GADL1: variants seen among roughly 807,000 people sequenced by gnomAD.
The protein encoded by GADL1 is GAD like acidic amino acid decarboxylase 1.
GADL1 carries 71 observed loss-of-function variants against 69.5 expected under a neutral mutation model. The observed-to-expected ratio is 1.02, with a 90% CI of 0.84 to 1.25. GADL1 has a LOEUF of 1.25. Ranked by LOEUF, GADL1 falls within the 50% of genes most tolerant of loss-of-function variation. The pLI, the probability that GADL1 is intolerant of heterozygous loss-of-function variation, is 0.00. For missense variants in GADL1, 737 were observed against 631.8 expected (o/e 1.17, Z -1.79); for synonymous variants, 254 against 214.4 (o/e 1.18, Z -1.62).
At chr3:30,731,464 T>C (rs1345482634) in intron 14 of GADL1, among the ~76,000 whole-genome samples, 1 of 152,222 alleles carries the variant, frequency 6.6e-6, no homozygotes, top group Non-Finnish European at 1.5e-5. Flanking sequence ...TCAAAATGAA[T>C]CTGTCACGTT....
chr3:30,842,822 T>TAAAA (rs558126002), intron 8 of GADL1, among the ~76,000 whole-genome samples: 1,877 of 103,212 alleles, frequency 0.018, 84 homozygotes, highest in African/African-American at 0.062. Context: ...TTGGAATGTT[T>TAAAA]AAAAAAAAAA....
rs770941892 is a variant in GADL1, at chr3:30,726,624, T to G, written c.*1618A>C. On this transcript the variant is annotated 3_prime_UTR_variant, in exon 15 of 15. Coordinates refer to ENST00000282538, the MANE Select transcript of GADL1 (RefSeq NM_207359.3). The stretch of plus-strand genomic sequence containing the variant: ...AATGAAAATAAGCAATAAAAGCAAA[T>G]AGTACTCAAAATTTAAATGACATTG... The G allele has an allele frequency of 1.3e-5, 2 of 151,664 alleles. No individual in the cohort carries two copies. The highest frequency in any genetic ancestry group is 2.9e-5 in the Non-Finnish European group (2 of 67,898). 9.4% of individuals were successfully genotyped at this position (151,664 alleles called of 1,614,324 possible).
chr3:30,759,045 G>A (rs937758289), intron 14 of GADL1, among the ~76,000 whole-genome samples: 1 of 150,738 alleles, frequency 6.6e-6, no homozygotes, highest in Non-Finnish European at 1.5e-5. Flanking sequence ...AGTTAGGTGG[G>A]AGAAGAGTCA....
At chr3:30,751,994 AATAAG>A (rs1053247365) in intron 14 of GADL1, among the ~76,000 whole-genome samples, 3 of 104,514 alleles carry the variant, frequency 2.9e-5, no homozygotes, top group Non-Finnish European at 5.4e-5. Context: ...TGGCTGTCTA[AATAAG>A]ATAGGACGAT....
intron 14 of GADL1, among the ~76,000 whole-genome samples, chr3:30,750,847 T>A (rs1221665528): frequency 6.6e-6 from 1 of 152,186 alleles, no homozygotes; most frequent in African/African-American, 2.4e-5. Context: ...TTTTTTATTT[T>A]CAATGAACAT....
intron 14 of GADL1, among the ~76,000 whole-genome samples, chr3:30,754,137 C>T (rs868581758): frequency 6.6e-6 from 1 of 152,118 alleles, no homozygotes; most frequent in Admixed American, 6.5e-5. Context: ...AAGTAAAAAC[C>T]CTTTTAAGAA....
chr3:30,835,350 G>T (rs1381465874), intron 9 of GADL1, among the ~76,000 whole-genome samples: 3 of 152,042 alleles, frequency 2.0e-5, no homozygotes, highest in Non-Finnish European at 4.4e-5. Flanking sequence ...TTTGGCTATG[G>T]AATTTAAAGG....
At chr3:30,850,192 A>G (rs1698128417) in intron 5 of GADL1, 81 bp from the exon 6 acceptor site, 1 of 776,250 alleles carries the variant, frequency 1.3e-6, no homozygotes, top group Admixed American at 1.9e-5. Flanking sequence ...GAAAGCATGA[A>G]TGGCCATGAC....
chr3:30,805,304 C>T (rs183810653), intron 11 of GADL1, among the ~76,000 whole-genome samples: 2 of 152,254 alleles, frequency 1.3e-5, no homozygotes, highest in Admixed American at 1.3e-4. Flanking sequence ...GGCCTGAACG[C>T]TAACCTATTA....
chr3:30,772,385 A>C (rs1696437337), intron 14 of GADL1, among the ~76,000 whole-genome samples: 1 of 152,220 alleles, frequency 6.6e-6, no homozygotes, highest in Admixed American at 6.5e-5. Context: ...AATAAGAAAT[A>C]TTCTACATCA....
intron 1 of GADL1, among the ~76,000 whole-genome samples, chr3:30,866,330 A>G (rs1315077452): frequency 6.6e-6 from 1 of 151,960 alleles, no homozygotes; most frequent in East Asian, 1.9e-4. Flanking sequence ...ATAGTGGCAC[A>G]CACCTGTAGT....
intron 14 of GADL1, among the ~76,000 whole-genome samples, chr3:30,751,506 A>G (rs559793899): frequency 6.6e-6 from 1 of 151,120 alleles, no homozygotes; most frequent in East Asian, 1.9e-4. Context: ...CTGGGCAACT[A>G]GATCTTGTAA....
intron 14 of GADL1, among the ~76,000 whole-genome samples, chr3:30,772,959 AACC>A (rs1387271909): frequency 3.9e-5 from 6 of 152,138 alleles, no homozygotes; most frequent in African/African-American, 1.4e-4. Flanking sequence ...GATCACTAGG[AACC>A]ACCACTAGCA....
At chr3:30,770,764 G>T (rs1696398263) in intron 14 of GADL1, among the ~76,000 whole-genome samples, 1 of 152,020 alleles carries the variant, frequency 6.6e-6, no homozygotes, top group Non-Finnish European at 1.5e-5. Flanking sequence ...CAAGAGATAG[G>T]CTAAACTCAG....
intron 13 of GADL1, chr3:30,779,114 C>T (rs1696601738): frequency 6.6e-6 from 1 of 152,178 alleles, no homozygotes; most frequent in Non-Finnish European, 1.5e-5. Context: ...CAGGCTTTAG[C>T]CCAGCCTTTG....
At chr3:30,797,033 T>G (rs747090500) in intron 12 of GADL1, among the ~76,000 whole-genome samples, 167 of 152,332 alleles carry the variant, frequency 1.1e-3, no homozygotes, top group Non-Finnish European at 1.6e-3. Flanking sequence ...TTTAGCCATA[T>G]GATTTTCTTT....
intron 11 of GADL1, among the ~76,000 whole-genome samples, chr3:30,828,772 T>C (rs560970908): frequency 1.2e-4 from 19 of 152,088 alleles, no homozygotes; most frequent in African/African-American, 4.3e-4. Flanking sequence ...GACGTATGCA[T>C]GTACACACAT....
At chr3:30,810,140 C>T (rs1205050279) in intron 11 of GADL1, among the ~76,000 whole-genome samples, 5 of 152,140 alleles carry the variant, frequency 3.3e-5, no homozygotes, top group Admixed American at 3.3e-4. Context: ...ATTTTGATCT[C>T]CAGTTTCTCA....
At chr3:30,859,549 A>G (rs935459471) in intron 2 of GADL1, among the ~76,000 whole-genome samples, 24 of 151,994 alleles carry the variant, frequency 1.6e-4, no homozygotes, top group African/African-American at 5.8e-4. Context: ...GAATAGTTAT[A>G]TAACTATTCT....
Sources: gnomAD v4.1 joint callset for allele counts (sites outside exome capture counted in the v4.1 genomes callset) on GRCh38, gnomAD v4.1.1 for gene constraint, MANE v1.5 for transcripts, NCBI Gene and HGNC (gene_info 2026-07-23, HGNC 2026-07-21) for gene names.